Variants in RBPMS observed in about 807,000 individuals in gnomAD.
The protein encoded by RBPMS is RNA-binding protein with multiple splicing.
RBPMS carries 7 observed loss-of-function variants against 26.8 expected under a neutral mutation model. The ratio of observed to expected loss-of-function variants is 0.26; its 90% CI spans 0.15 to 0.49. The LOEUF (loss-of-function observed/expected upper bound fraction) is 0.49. Among genes scored for constraint, RBPMS ranks in the 20% least tolerant of loss-of-function variants. RBPMS has a pLI of 0.98. For missense variants in RBPMS, 186 were observed against 250.0 expected, an observed-to-expected ratio of 0.74 and a Z score of 1.73; for synonymous variants, 96 against 93.3, an observed-to-expected ratio of 1.03 and a Z score of -0.17.
chr8:30,389,135 T>C (rs994029555), intron 1 of RBPMS, among the ~76,000 whole-genome samples: 4 of 152,242 alleles, frequency 2.6e-5, no homozygotes, highest in African/African-American at 9.6e-5. Flanking sequence ...AATGGTTTTA[T>C]ACAATTTAAC....
At chr8:30,410,713 T>C (rs1809268250) in intron 1 of RBPMS, among the ~76,000 whole-genome samples, 2 of 142,654 alleles carry the variant, frequency 1.4e-5, no homozygotes, top group South Asian at 4.2e-4. Flanking sequence ...AAATTTTCTT[T>C]TTTCCTTTTT....
intron 1 of RBPMS, among the ~76,000 whole-genome samples, chr8:30,457,339 T>G (rs1182067173): frequency 6.6e-6 from 1 of 152,182 alleles, no homozygotes; most frequent in Non-Finnish European, 1.5e-5. Flanking sequence ...CAGGTTAAAC[T>G]TTGTAAATTC....
chr8:30,422,707 G>A (rs1427762245), intron 1 of RBPMS, among the ~76,000 whole-genome samples: 1 of 152,172 alleles, frequency 6.6e-6, no homozygotes, highest in Non-Finnish European at 1.5e-5. Context: ...ATACCTGAGT[G>A]TGGATTTTAG....
At chr8:30,412,003 AAAAAC>A (rs1335134073) in intron 1 of RBPMS, among the ~76,000 whole-genome samples, 3 of 139,590 alleles carry the variant, frequency 2.1e-5, no homozygotes, top group Non-Finnish European at 4.9e-5. Flanking sequence ...AAAAAAAAAC[AAAAAC>A]AAAAACAGAA....
intron 6 of RBPMS, chr8:30,552,447 A>G (rs1164146197): frequency 6.6e-6 from 1 of 152,284 alleles, no homozygotes; most frequent in East Asian, 1.9e-4. Context: ...GCCGGTGGGG[A>G]AGGCCAGACC....
chr8:30,545,038 A>G lies in RBPMS; in HGVS notation c.528+414A>G, dbSNP rs1825760406. On this transcript the variant is annotated intron_variant, in intron 6 of 8. Transcript: ENST00000397323. ...CGTCTGTGCGTGTTTCTGTGTGTTG[A>G]GAGTTTTCCACTCTCGTGTACGGTG... The G allele has an allele frequency of 4.3e-6, 6 of 1,411,136 alleles. No individual in the cohort carries two copies. The Admixed American group carries it at 1.3e-4, about 31-fold the overall frequency. The allele number at this position is 1,411,136 out of a possible 1,614,324, so 87.4% of individuals were successfully genotyped here.
chr8:30,409,911 G>A (rs547856723), intron 1 of RBPMS, among the ~76,000 whole-genome samples: 12 of 152,150 alleles, frequency 7.9e-5, no homozygotes, highest in East Asian at 3.9e-4. Context: ...GATTATAGGC[G>A]TGAGCCACCG....
intron 6 of RBPMS, among the ~76,000 whole-genome samples, chr8:30,552,064 C>T (rs1826429782): frequency 6.6e-6 from 1 of 152,120 alleles, no homozygotes; most frequent in Admixed American, 6.5e-5. Context: ...GGACTCCTGA[C>T]CAGCACCCTG....
chr8:30,521,195 CTTGTT>C (rs1563405911), intron 5 of RBPMS, among the ~76,000 whole-genome samples: 1 of 152,194 alleles, frequency 6.6e-6, no homozygotes, highest in Non-Finnish European at 1.5e-5. Context: ...GTCTTCTCTG[CTTGTT>C]TTAACACCTG....
chr8:30,547,246 C>G, intron 6 of RBPMS: 1 of 1,316,638 alleles, frequency 7.6e-7, no homozygotes, highest in Non-Finnish European at 1.1e-6. Context: ...TTTTTCTTAG[C>G]AATGTTATGC....
At chr8:30,416,459 G>A (rs1256690723) in intron 1 of RBPMS, among the ~76,000 whole-genome samples, 1 of 151,404 alleles carries the variant, frequency 6.6e-6, no homozygotes, top group Non-Finnish European at 1.5e-5. Flanking sequence ...AGCCTCCCTA[G>A]TAACAGGTGC....
intron 1 of RBPMS, among the ~76,000 whole-genome samples, chr8:30,408,883 A>G (rs1479486458): frequency 6.6e-6 from 1 of 152,154 alleles, no homozygotes; most frequent in Non-Finnish European, 1.5e-5. Context: ...ACCCAAAGCA[A>G]CTGCTGATCT....
At chr8:30,522,274 A>T (rs1165391962) in intron 5 of RBPMS, among the ~76,000 whole-genome samples, 10 of 143,106 alleles carry the variant, frequency 7.0e-5, no homozygotes, top group African/African-American at 2.6e-4. Flanking sequence ...TCTCTATTTA[A>T]AAAAAAAAAA....
intron 4 of RBPMS, among the ~76,000 whole-genome samples, chr8:30,484,137 A>G (rs1412407244): frequency 6.6e-6 from 1 of 152,136 alleles, no homozygotes; most frequent in Non-Finnish European, 1.5e-5. Context: ...ATCATATGTT[A>G]GCTTTTTGTT....
At chr8:30,519,387 C>T (rs1170397898) in intron 5 of RBPMS, among the ~76,000 whole-genome samples, 1 of 151,290 alleles carries the variant, frequency 6.6e-6, no homozygotes, top group East Asian at 1.9e-4. Flanking sequence ...CCATATATTG[C>T]ATTAGTTATG....
intron 1 of RBPMS, among the ~76,000 whole-genome samples, chr8:30,390,515 C>T (rs1168716493): frequency 6.6e-6 from 1 of 152,124 alleles, no homozygotes; most frequent in Non-Finnish European, 1.5e-5. Context: ...TCGGGATTGC[C>T]CTCACCTACC....
intron 5 of RBPMS, among the ~76,000 whole-genome samples, chr8:30,540,588 G>A (rs1267563981): frequency 6.6e-6 from 1 of 152,120 alleles, no homozygotes; most frequent in East Asian, 1.9e-4. Context: ...GCCAGGCCTG[G>A]CTAATATATA....
chr8:30,462,435 T>C (rs1235882966), intron 1 of RBPMS, among the ~76,000 whole-genome samples: 1 of 152,082 alleles, frequency 6.6e-6, no homozygotes, highest in African/African-American at 2.4e-5. Context: ...TGTTTGTTTG[T>C]TTTTTGGAGA....
intron 4 of RBPMS, among the ~76,000 whole-genome samples, chr8:30,498,551 G>A (rs1041979020): frequency 1.3e-5 from 2 of 152,208 alleles, no homozygotes; most frequent in Non-Finnish European, 2.9e-5. Flanking sequence ...CAACCACACT[G>A]AAGGTGGGGG....
Sources: allele counts gnomAD v4.1 joint callset (sites outside exome capture counted in the v4.1 genomes callset), GRCh38; gene constraint gnomAD v4.1.1; transcripts MANE v1.5; gene names NCBI Gene and HGNC (gene_info 2026-07-23, HGNC 2026-07-21).